Variants in SCLT1 observed in about 807,000 individuals in gnomAD.
SCLT1 encodes sodium channel and clathrin linker 1.
A neutral mutation model predicts 112.8 loss-of-function variants in SCLT1; 78 were observed. The observed-to-expected ratio is 0.69, with a 90% CI of 0.58 to 0.83. The LOEUF is 0.83. Ranked by LOEUF, SCLT1 falls within the 40% of genes least tolerant of loss-of-function variation. The probability of loss-of-function intolerance (pLI) is 0.00; values close to 1 mark genes in which losing one functional copy is unlikely to be tolerated. For missense variants in SCLT1, 747 were observed against 770.4 expected (o/e 0.97, Z 0.36); for synonymous variants, 257 against 254.7 (o/e 1.01, Z -0.09).
intron 19 of SCLT1, among the ~76,000 whole-genome samples, chr4:128,890,340 A>C (rs931321905): frequency 1.3e-5 from 2 of 152,144 alleles, no homozygotes; most frequent in African/African-American, 4.8e-5. Flanking sequence ...TGTATTTTAA[A>C]TTACTCATTA....
intron 9 of SCLT1, among the ~76,000 whole-genome samples, chr4:128,976,768 A>G (rs1452572750): frequency 6.6e-6 from 1 of 152,222 alleles, no homozygotes; most frequent in Non-Finnish European, 1.5e-5. Context: ...GAATTGGCAG[A>G]GGAATTATAT....
intron 5 of SCLT1, among the ~76,000 whole-genome samples, chr4:129,004,361 G>T (rs1271177440): frequency 6.6e-6 from 1 of 151,980 alleles, no homozygotes; most frequent in African/African-American, 2.4e-5. Context: ...GAAGAAAATG[G>T]TCGCTGGCTA....
At chr4:128,952,674 A>C (rs566850996) in intron 14 of SCLT1, 95 bp downstream of exon 14, 1 of 799,538 alleles carries the variant, frequency 1.3e-6, no homozygotes, top group South Asian at 1.5e-5. Context: ...TTGGTTTAAT[A>C]AGTATCTTTT....
chr4:128,965,174 G>T (rs1415068956), intron 11 of SCLT1, 53 bp downstream of exon 11: 1 of 909,452 alleles, frequency 1.1e-6, no homozygotes, highest in Admixed American at 2.1e-5. Flanking sequence ...AAACTCTATT[G>T]TAAAATATCT....
rs189609388 is a variant in SCLT1, at chr4:129,047,104, A to G, written c.103-3053T>C. 4.5e-4 allele frequency among the ~76,000 whole-genome samples: 69 copies of G among 152,206 alleles called. 2 individuals carry two copies. The East Asian group carries it at 0.012, about 26-fold the overall frequency. ...TTACTTTCTTAATGATGTCTTAAAA[A>G]CATAAGTTCTTTCACTTTGAAGTAG... On this transcript the variant is annotated intron_variant, in intron 2 of 20. Coordinates refer to ENST00000281142, the MANE Select transcript of SCLT1 (RefSeq NM_144643.4).
chr4:129,022,459 G>C (rs544253691), intron 5 of SCLT1, among the ~76,000 whole-genome samples: 8 of 152,224 alleles, frequency 5.3e-5, no homozygotes, highest in Non-Finnish European at 1.2e-4. Flanking sequence ...TAAATGACTT[G>C]ATGGAGCTGA....
chr4:128,960,428 C>G (rs955621577), intron 11 of SCLT1, among the ~76,000 whole-genome samples: 13 of 152,074 alleles, frequency 8.5e-5, no homozygotes, highest in Non-Finnish European at 1.3e-4. Context: ...GAAATCTCAT[C>G]AAGTTAGAAA....
chr4:129,083,279 C>T (rs1579965630), intron 1 of SCLT1, among the ~76,000 whole-genome samples: 1 of 149,508 alleles, frequency 6.7e-6, no homozygotes. Context: ...AAGTAACATA[C>T]ATACAACATA....
At chr4:129,040,094 C>A (rs1468881632) in intron 4 of SCLT1, 2 of 681,170 alleles carry the variant, frequency 2.9e-6, no homozygotes, top group Non-Finnish European at 5.4e-6. Context: ...GTTCTGCCAG[C>A]CTTTTTCTCT....
At chr4:128,948,198 T>C (rs975568949) in intron 15 of SCLT1, among the ~76,000 whole-genome samples, 1 of 151,502 alleles carries the variant, frequency 6.6e-6, no homozygotes, top group Non-Finnish European at 1.5e-5. Flanking sequence ...TAGCCAGGCA[T>C]GGTGGCACAC....
chr4:128,983,580 G>T (rs1323548473), intron 9 of SCLT1, among the ~76,000 whole-genome samples: 1 of 152,108 alleles, frequency 6.6e-6, no homozygotes, highest in Admixed American at 6.6e-5. Flanking sequence ...ACCAAAAGTT[G>T]TTCTGCGGGA....
At position 128,936,856 on chromosome 4, in the gene SCLT1, A is replaced by G; in HGVS notation, c.1633-5T>C. The G allele has an allele frequency of 6.9e-7, 1 of 1,451,402 alleles. No homozygotes were observed. The highest frequency in any genetic ancestry group is 9.4e-7 in the Non-Finnish European group (1 of 1,063,226). 89.9% of individuals were successfully genotyped at this position (1,451,402 alleles called of 1,614,324 possible). On this transcript the variant is annotated splice_region_variant and splice_polypyrimidine_tract_variant and intron_variant, in intron 17 of 20. Transcript: ENST00000281142. Reference sequence around the variant, plus strand: ...TTCATGTTCCATTGTACTGATCTAAAGAATAAAATGAAAACGTATTTTCTT... The same window carrying G: ...TTCATGTTCCATTGTACTGATCTAAGGAATAAAATGAAAACGTATTTTCTT...
intron 17 of SCLT1, among the ~76,000 whole-genome samples, chr4:128,938,921 G>A (rs570419523): frequency 6.6e-6 from 1 of 152,284 alleles, no homozygotes; most frequent in East Asian, 1.9e-4. Flanking sequence ...GGTGGCAGTG[G>A]CAGTGAGCCA....
chr4:128,991,624 C>T (rs1052633967), intron 9 of SCLT1, among the ~76,000 whole-genome samples: 1 of 151,252 alleles, frequency 6.6e-6, no homozygotes, highest in Non-Finnish European at 1.5e-5. Context: ...TAAAACAACT[C>T]GAGAGGAAGA....
chr4:128,909,903 T>C (rs1209066568), intron 18 of SCLT1, among the ~76,000 whole-genome samples: 1 of 152,104 alleles, frequency 6.6e-6, no homozygotes, highest in Non-Finnish European at 1.5e-5. Context: ...AAAACAGAAG[T>C]CTTTAAGTAG....
intron 2 of SCLT1, among the ~76,000 whole-genome samples, chr4:129,075,205 T>C (rs1015097090): frequency 6.6e-6 from 1 of 152,220 alleles, no homozygotes; most frequent in African/African-American, 2.4e-5. Context: ...AAATATTGGC[T>C]ACCAAATATG....
chr4:129,038,578 A>G (rs575645121), intron 5 of SCLT1, among the ~76,000 whole-genome samples: 10 of 151,110 alleles, frequency 6.6e-5, no homozygotes, highest in Non-Finnish European at 1.5e-4. Flanking sequence ...TCTCTGGCAG[A>G]GAGAAAGAGA....
chr4:128,999,124 T>C (rs1182093024), intron 7 of SCLT1, among the ~76,000 whole-genome samples: 1 of 151,802 alleles, frequency 6.6e-6, no homozygotes, highest in Non-Finnish European at 1.5e-5. Flanking sequence ...GAGTGTAGAA[T>C]GATTCTTGCT....
intron 6 of SCLT1, among the ~76,000 whole-genome samples, chr4:129,001,337 G>T (rs899381888): frequency 6.6e-6 from 1 of 151,662 alleles, no homozygotes; most frequent in Admixed American, 6.6e-5. Context: ...CTGGGGTGGT[G>T]GGGGGGTGGG....
Sources: allele counts gnomAD v4.1 joint callset (sites outside exome capture counted in the v4.1 genomes callset), GRCh38; gene constraint gnomAD v4.1.1; transcripts MANE v1.5; gene names NCBI Gene and HGNC (gene_info 2026-07-23, HGNC 2026-07-21).